The following PCMTD1 variants were observed in gnomAD, a reference collection of about 807,000 sequenced individuals.
The protein encoded by PCMTD1 is protein-L-isoaspartate O-methyltransferase domain-containing protein 1.
Under a neutral mutation model 37.6 loss-of-function variants are expected in PCMTD1, and 12 were observed. That is an observed-to-expected ratio of 0.32 (90% CI 0.20 to 0.52). The LOEUF (loss-of-function observed/expected upper bound fraction) is 0.52, where lower values mean the gene tolerates loss of function less well. PCMTD1 is among the 20% of genes least tolerant of loss of function. PCMTD1 has a pLI of 0.97. For missense variants in PCMTD1, 235 were observed against 421.3 expected (o/e 0.56, Z 3.87); for synonymous variants, 117 against 135.8 (o/e 0.86, Z 0.96).
intron 5 of PCMTD1, among the ~76,000 whole-genome samples, chr8:51,827,805 G>C (rs2037942260): frequency 6.8e-6 from 1 of 147,368 alleles, no homozygotes; most frequent in South Asian, 2.1e-4. Flanking sequence ...GAGGTATAAT[G>C]GATTTTTTTT....
intron 3 of PCMTD1, among the ~76,000 whole-genome samples, chr8:51,836,188 G>T (rs974703707): frequency 6.6e-6 from 1 of 152,188 alleles, no homozygotes; most frequent in African/African-American, 2.4e-5. Flanking sequence ...GCTGGGATCT[G>T]AAAGATGAGA....
At chr8:51,828,898 C>A (rs908253724) in intron 5 of PCMTD1, among the ~76,000 whole-genome samples, 1 of 152,196 alleles carries the variant, frequency 6.6e-6, no homozygotes, top group Non-Finnish European at 1.5e-5. Flanking sequence ...AACATTTCAA[C>A]ACAGTAACCT....
At chr8:51,829,542 CAGTGCCTGAA>C (rs2037969808) in intron 5 of PCMTD1, among the ~76,000 whole-genome samples, 1 of 152,148 alleles carries the variant, frequency 6.6e-6, no homozygotes. Context: ...AGGCTGGTGC[CAGTGCCTGAA>C]ACTGGGTGGG....
Position 51,863,102 on chromosome 8 carries a change from T to G in PCMTD1, c.-95-1856A>C, listed in dbSNP as rs376318189. 7.9e-5 allele frequency among the ~76,000 whole-genome samples: 12 copies of G among 152,086 alleles called. No homozygotes were observed. In the South Asian group the frequency reaches 1.7e-3, roughly 21 times the overall value. On this transcript the variant is annotated intron_variant, in intron 1 of 5. Transcript: ENST00000522514. ...CTGGCACTCAGAGTGAATCTCTTCC[T>G]AAGGTGAAAGAAAAAATGGTTATAT...
chr8:51,855,485 A>T (rs2038373334), intron 2 of PCMTD1, among the ~76,000 whole-genome samples: 1 of 151,298 alleles, frequency 6.6e-6, no homozygotes, highest in African/African-American at 2.4e-5. Flanking sequence ...GTGAGCTGCG[A>T]TCGTGTCACT....
chr8:51,898,878 C>T (rs1208554753), intron 1 of PCMTD1, 52 bp downstream of exon 1: 11 of 1,260,836 alleles, frequency 8.7e-6, no homozygotes, highest in Non-Finnish European at 1.1e-5. Context: ...GGCCCTAGCA[C>T]GCGGGACTCG....
At chr8:51,875,153 A>G (rs750549861) in intron 1 of PCMTD1, among the ~76,000 whole-genome samples, 1 of 152,228 alleles carries the variant, frequency 6.6e-6, no homozygotes, top group Non-Finnish European at 1.5e-5. Context: ...CTTTATTTCA[A>G]TATTCCAGTT....
At chr8:51,865,222 T>A (rs1259574137) in intron 1 of PCMTD1, among the ~76,000 whole-genome samples, 1 of 152,098 alleles carries the variant, frequency 6.6e-6, no homozygotes, top group Non-Finnish European at 1.5e-5. Flanking sequence ...CAGCACCAGA[T>A]GCCTCAAGGT....
chr8:51,864,865 T>TAGAAAACAGAA (rs1252672341), intron 1 of PCMTD1, among the ~76,000 whole-genome samples: 1 of 151,540 alleles, frequency 6.6e-6, no homozygotes, highest in African/African-American at 2.4e-5. Context: ...ATAGATAAAA[T>TAGAAAACAGAA]AGAAAACAGA....
intron 1 of PCMTD1, among the ~76,000 whole-genome samples, chr8:51,878,259 T>TTTG (rs1435136789): frequency 1.5e-4 from 23 of 150,226 alleles, no homozygotes; most frequent in Non-Finnish European, 2.5e-4. Flanking sequence ...GGTTTTTTTT[T>TTTG]TTTTTTAGCT....
chr8:51,840,784 T>C (rs1200562662), intron 3 of PCMTD1, among the ~76,000 whole-genome samples: 1 of 152,120 alleles, frequency 6.6e-6, no homozygotes, highest in Non-Finnish European at 1.5e-5. Flanking sequence ...ATAAAACTTA[T>C]ACCTCAACCA....
chr8:51,844,628 G>A (rs970362064), intron 3 of PCMTD1, among the ~76,000 whole-genome samples: 7 of 152,210 alleles, frequency 4.6e-5, no homozygotes, highest in Non-Finnish European at 7.4e-5. Flanking sequence ...AGGGGAGGAA[G>A]GCCAAAGGCA....
At chr8:51,898,320 C>A (rs1409981215) in intron 1 of PCMTD1, among the ~76,000 whole-genome samples, 3 of 152,126 alleles carry the variant, frequency 2.0e-5, no homozygotes, top group Non-Finnish European at 2.9e-5. Flanking sequence ...GTCTGAAATT[C>A]CCCAAGCAAA....
chr8:51,889,112 ACTCCTCACT>A (rs1479240963), intron 1 of PCMTD1, among the ~76,000 whole-genome samples: 6 of 151,988 alleles, frequency 3.9e-5, no homozygotes, highest in Admixed American at 3.9e-4. Context: ...GTTATTGTTA[ACTCCTCACT>A]CACTGCCTAC....
At chr8:51,876,442 C>G (rs1396723563) in intron 1 of PCMTD1, among the ~76,000 whole-genome samples, 1 of 152,078 alleles carries the variant, frequency 6.6e-6, no homozygotes, top group Admixed American at 6.5e-5. Context: ...ACATATTTTT[C>G]CTTGCTTATG....
chr8:51,863,372 T>C (rs1411361783), intron 1 of PCMTD1, among the ~76,000 whole-genome samples: 1 of 152,232 alleles, frequency 6.6e-6, no homozygotes, highest in Non-Finnish European at 1.5e-5. Flanking sequence ...ATATGGTCTT[T>C]ACCACATAGC....
intron 2 of PCMTD1, among the ~76,000 whole-genome samples, chr8:51,856,774 AT>A (rs1307800376): frequency 6.6e-6 from 1 of 152,264 alleles, no homozygotes; most frequent in East Asian, 1.9e-4. Flanking sequence ...TATTGTTATG[AT>A]TTCATTTATA....
chr8:51,874,939 A>G (rs1429806980), intron 1 of PCMTD1, among the ~76,000 whole-genome samples: 3 of 152,170 alleles, frequency 2.0e-5, no homozygotes, highest in Non-Finnish European at 4.4e-5. Flanking sequence ...AGAACAGATC[A>G]CTCCATTTCA....
In PCMTD1 at chr8:51,891,619, G is replaced by A. The variant is rs1161681180; in HGVS notation, c.-96+7311C>T. Among the ~76,000 whole-genome samples, 6 of 147,520 alleles carry A rather than the reference G, an allele frequency of 4.1e-5. No individual in the cohort carries two copies. In the Admixed American group the frequency reaches 4.1e-4, roughly 10 times the overall value. ...TAGCATAGAATGCCTGGAAAATAAAGAGAATATATCATTATTCAGTAAATT... is the reference window on the plus strand; with the variant it reads ...TAGCATAGAATGCCTGGAAAATAAAAAGAATATATCATTATTCAGTAAATT... On this transcript the variant is annotated intron_variant, in intron 1 of 5. Coordinates refer to ENST00000522514, the MANE Select transcript of PCMTD1 (RefSeq NM_052937.4).
Sources: allele counts gnomAD v4.1 joint callset (sites outside exome capture counted in the v4.1 genomes callset), GRCh38; gene constraint gnomAD v4.1.1; transcripts MANE v1.5; gene names NCBI Gene and HGNC (gene_info 2026-07-23, HGNC 2026-07-21).